Variants in CACNA2D3 observed in about 807,000 individuals in gnomAD.
CACNA2D3 encodes calcium voltage-gated channel auxiliary subunit alpha2delta 3, also known as voltage-dependent calcium channel subunit alpha-2/delta-3.
Under a neutral mutation model 160.6 loss-of-function variants are expected in CACNA2D3, and 60 were observed. The ratio of observed to expected loss-of-function variants is 0.37; its 90% CI spans 0.30 to 0.46. The LOEUF is 0.46. CACNA2D3 is among the 20% of genes least tolerant of loss of function. The pLI is 1.00. For synonymous variants in CACNA2D3, 558 were observed against 492.9 expected (o/e 1.13, Z -1.75); for missense variants, 1,205 against 1,365.0 (o/e 0.88, Z 1.85).
intron 17 of CACNA2D3, among the ~76,000 whole-genome samples, chr3:54,858,547 G>T (rs557608436): frequency 6.6e-6 from 1 of 152,196 alleles, no homozygotes; most frequent in African/African-American, 2.4e-5. Context: ...TGAGAAGCAG[G>T]CATTGCATTA....
At chr3:54,164,011 G>A (rs2107300901) in intron 2 of CACNA2D3, among the ~76,000 whole-genome samples, 1 of 152,348 alleles carries the variant, frequency 6.6e-6, no homozygotes, top group South Asian at 2.1e-4. Flanking sequence ...AATGCAACCA[G>A]GAAGGTCAGG....
intron 4 of CACNA2D3, among the ~76,000 whole-genome samples, chr3:54,389,047 G>A (rs975658088): frequency 1.2e-4 from 19 of 152,184 alleles, no homozygotes; most frequent in African/African-American, 2.9e-4. Context: ...GCTCACACCT[G>A]TAGTCCCAGC....
At chr3:54,123,736 C>G (rs553457468) in intron 2 of CACNA2D3, 142 bp downstream of exon 2, 2 of 708,450 alleles carry the variant, frequency 2.8e-6, no homozygotes, top group Admixed American at 2.2e-5. Flanking sequence ...TGGCATTGTA[C>G]TATGCAGTGA....
At chr3:54,308,848 G>A (rs1396420933) in intron 2 of CACNA2D3, among the ~76,000 whole-genome samples, 1 of 152,182 alleles carries the variant, frequency 6.6e-6, no homozygotes, top group Non-Finnish European at 1.5e-5. Flanking sequence ...AGCAGGAAAG[G>A]TGAATTATCT....
intron 3 of CACNA2D3, among the ~76,000 whole-genome samples, chr3:54,336,108 A>C (rs544921215): frequency 1.3e-5 from 2 of 151,912 alleles, no homozygotes; most frequent in Non-Finnish European, 2.9e-5. Flanking sequence ...GCCTCCTCAG[A>C]ATCCCAGGAG....
At chr3:54,899,459 G>A (rs1300949898) in intron 26 of CACNA2D3, among the ~76,000 whole-genome samples, 1 of 152,156 alleles carries the variant, frequency 6.6e-6, no homozygotes, top group Non-Finnish European at 1.5e-5. Context: ...ACTGACACAA[G>A]TAAACACTGC....
chr3:54,878,030 A>G (rs2106834901), intron 18 of CACNA2D3, among the ~76,000 whole-genome samples: 1 of 152,342 alleles, frequency 6.6e-6, no homozygotes, highest in Non-Finnish European at 1.5e-5. Flanking sequence ...TATTTTATAC[A>G]TGCCTCCAGC....
chr3:54,822,774 C>CTTTTCTTTCT (rs1252942940), intron 14 of CACNA2D3, among the ~76,000 whole-genome samples: 1 of 85,844 alleles, frequency 1.2e-5, no homozygotes, highest in African/African-American at 4.9e-5. Context: ...TTCTTTCTTT[C>CTTTTCTTTCT]TTTCTTTCTT....
At chr3:54,789,364 T>G (rs1702702360) in intron 13 of CACNA2D3, among the ~76,000 whole-genome samples, 1 of 152,224 alleles carries the variant, frequency 6.6e-6, no homozygotes, top group African/African-American at 2.4e-5. Flanking sequence ...TTGCCCTTTA[T>G]CTGAATAATC....
intron 27 of CACNA2D3, among the ~76,000 whole-genome samples, chr3:54,900,781 A>G (rs1700309991): frequency 6.6e-6 from 1 of 152,228 alleles, no homozygotes; most frequent in East Asian, 1.9e-4. Context: ...AGGAGTATAA[A>G]TGGAGCAGAT....
chr3:54,364,746 C>G (rs972253980), intron 3 of CACNA2D3, among the ~76,000 whole-genome samples: 1 of 152,200 alleles, frequency 6.6e-6, no homozygotes, highest in Non-Finnish European at 1.5e-5. Context: ...AACTCACAGA[C>G]TGTACTTGTT....
At chr3:55,016,280 G>C (rs1686307231) in intron 34 of CACNA2D3, among the ~76,000 whole-genome samples, 1 of 152,218 alleles carries the variant, frequency 6.6e-6, no homozygotes, top group Non-Finnish European at 1.5e-5. Context: ...TGCAGCAGGA[G>C]TCATGGTGGT....
intron 17 of CACNA2D3, among the ~76,000 whole-genome samples, chr3:54,857,680 G>C (rs7653675): frequency 0.037 from 5,615 of 152,228 alleles, 321 homozygotes; most frequent in African/African-American, 0.12. Context: ...CCTGTTCTCA[G>C]GGACTTCTGA....
At chr3:54,130,827 A>C (rs183973350) in intron 2 of CACNA2D3, among the ~76,000 whole-genome samples, 368 of 152,364 alleles carry the variant, frequency 2.4e-3, no homozygotes, top group Non-Finnish European at 3.9e-3. Flanking sequence ...TTAATTCAGA[A>C]ACAATTAAAG....
chr3:54,144,920 G>A (rs1170842671), intron 2 of CACNA2D3, among the ~76,000 whole-genome samples: 1 of 152,162 alleles, frequency 6.6e-6, no homozygotes, highest in African/African-American at 2.4e-5. Flanking sequence ...AAAAACTTCT[G>A]CTGTTTTTAA....
At chr3:54,854,620 C>T (rs1699127044) in intron 17 of CACNA2D3, among the ~76,000 whole-genome samples, 1 of 152,132 alleles carries the variant, frequency 6.6e-6, no homozygotes, top group African/African-American at 2.4e-5. Flanking sequence ...CTGCCCTCAC[C>T]ACGGGTCTCG....
At chr3:54,212,862 C>T (rs1285340312) in intron 2 of CACNA2D3, among the ~76,000 whole-genome samples, 1 of 152,106 alleles carries the variant, frequency 6.6e-6, no homozygotes, top group Non-Finnish European at 1.5e-5. Context: ...CAAGTGTGAA[C>T]TGGGGATACT....
intron 2 of CACNA2D3, among the ~76,000 whole-genome samples, chr3:54,131,634 T>A (rs1699710020): frequency 6.6e-6 from 1 of 152,240 alleles, no homozygotes; most frequent in Admixed American, 6.5e-5. Flanking sequence ...CAAGAGAGAC[T>A]TGGAATTTTT....
chr3:54,146,618 C>G (rs1700034224), intron 2 of CACNA2D3, among the ~76,000 whole-genome samples: 1 of 152,106 alleles, frequency 6.6e-6, no homozygotes, highest in Non-Finnish European at 1.5e-5. Flanking sequence ...TAGTGTGTCT[C>G]TTTGATGAGT....
Sources: gnomAD v4.1 joint callset for allele counts (sites outside exome capture counted in the v4.1 genomes callset) on GRCh38, gnomAD v4.1.1 for gene constraint, MANE v1.5 for transcripts, NCBI Gene and HGNC (gene_info 2026-07-23, HGNC 2026-07-21) for gene names.